Variants in GABRR2 observed in about 807,000 individuals in gnomAD.
The protein encoded by GABRR2 is gamma-aminobutyric acid type A receptor subunit rho2.
GABRR2 carries 36 observed loss-of-function variants against 47.0 expected under a neutral mutation model. That is an observed-to-expected ratio of 0.77 (90% CI 0.59 to 1.01). The LOEUF (loss-of-function observed/expected upper bound fraction) is 1.01. GABRR2 is among the 50% of genes least tolerant of loss of function. GABRR2 has a pLI of 0.00. For missense variants in GABRR2, 587 were observed against 594.6 expected (o/e 0.99, Z 0.13); for synonymous variants, 204 against 227.5 (o/e 0.90, Z 0.93).
intron 1 of GABRR2, among the ~76,000 whole-genome samples, chr6:89,312,085 G>C (rs549705492): frequency 6.6e-6 from 1 of 152,206 alleles, no homozygotes; most frequent in African/African-American, 2.4e-5. Flanking sequence ...GGGGCTCCAC[G>C]TTGAGACCTG....
intron 2 of GABRR2, among the ~76,000 whole-genome samples, chr6:89,284,499 A>C (rs1337644596): frequency 6.6e-6 from 1 of 152,186 alleles, no homozygotes; most frequent in Admixed American, 6.5e-5. Flanking sequence ...CAATGTAATC[A>C]CAAGAATCCT....
intron 1 of GABRR2, chr6:89,303,078 TGAG>T (rs1767485115): frequency 2.5e-6 from 2 of 806,638 alleles, no homozygotes; most frequent in Non-Finnish European, 3.9e-6. Flanking sequence ...TGTTCGCAGA[TGAG>T]GAGGAGGAAT....
chr6:89,312,525 G>A (rs1767697924), intron 1 of GABRR2, among the ~76,000 whole-genome samples: 1 of 152,204 alleles, frequency 6.6e-6, no homozygotes, highest in African/African-American at 2.4e-5. Flanking sequence ...GTATGTGTGT[G>A]AGTGTGACCG....
At chr6:89,286,525 A>T (rs1562374418) in intron 2 of GABRR2, among the ~76,000 whole-genome samples, 1 of 152,158 alleles carries the variant, frequency 6.6e-6, no homozygotes, top group South Asian at 2.1e-4. Flanking sequence ...TACCTTAAAT[A>T]TATACAATTT....
Position 89,257,504 on chromosome 6 carries a change from C to T in GABRR2, c.*166G>A. Reference sequence around the variant, plus strand: ...AGCCCCACGGGGTCTGGGGTCAGGGCAGCTGGAAGGCTCCTGGGCTTCTCT... The same window carrying T: ...AGCCCCACGGGGTCTGGGGTCAGGGTAGCTGGAAGGCTCCTGGGCTTCTCT... On this transcript the variant is annotated 3_prime_UTR_variant, in exon 9 of 9. Coordinates refer to ENST00000402938, the MANE Select transcript of GABRR2 (RefSeq NM_002043.5). 1 of 623,132 alleles carries T rather than the reference C, an allele frequency of 1.6e-6. No homozygotes were observed. The highest frequency in any genetic ancestry group is 3.0e-5 in the Admixed American group (1 of 33,824). The allele number at this position is 623,132 out of a possible 1,614,324, so 38.6% of individuals were successfully genotyped here. A position where few individuals can be genotyped will look rare whatever the true frequency, so the allele number is the denominator to read the frequency against.
rs1399116556 is a variant in GABRR2, at chr6:89,258,559, AT to A, written c.1087-579del. ...CTTCTCTAAAAAAAAAAAAAAAAAA[AT>A]GTTTTTTTTAATTAGCCAGGCATGG... On this transcript the variant is annotated intron_variant, in intron 8 of 8. Coordinates refer to ENST00000402938, the MANE Select transcript of GABRR2 (RefSeq NM_002043.5). Among the ~76,000 whole-genome samples, 668 of 107,304 alleles carry A rather than the reference AT, an allele frequency of 6.2e-3. 6 individuals carry two copies. The highest frequency in any genetic ancestry group is 0.022 in the African/African-American group (586 of 26,432). 70.4% of individuals were successfully genotyped at this position (107,304 alleles called of 152,430 possible).
chr6:89,304,710 A>G (rs996696135), intron 1 of GABRR2, among the ~76,000 whole-genome samples: 1 of 152,260 alleles, frequency 6.6e-6, no homozygotes, highest in African/African-American at 2.4e-5. Flanking sequence ...ACTGATCATT[A>G]GAGAAATGCA....
chr6:89,303,105 C>G, intron 1 of GABRR2: 4 of 649,802 alleles, frequency 6.2e-6, no homozygotes, highest in Non-Finnish European at 1.0e-5. Flanking sequence ...AGGCCCAGGG[C>G]CCCAAGTGAA....
chr6:89,290,911 G>A (rs1248977959), intron 2 of GABRR2, among the ~76,000 whole-genome samples: 5 of 152,140 alleles, frequency 3.3e-5, no homozygotes, highest in Admixed American at 2.6e-4. Flanking sequence ...GCCTGGCCTG[G>A]CAATGGCTCC....
intron 2 of GABRR2, among the ~76,000 whole-genome samples, chr6:89,283,057 A>G (rs905985430): frequency 3.9e-5 from 6 of 152,236 alleles, no homozygotes; most frequent in Non-Finnish European, 5.9e-5. Context: ...TGATAGGTAT[A>G]AAGTTCTTTC....
intron 2 of GABRR2, among the ~76,000 whole-genome samples, chr6:89,285,624 G>A (rs1208930546): frequency 6.6e-6 from 1 of 152,112 alleles, no homozygotes; most frequent in African/African-American, 2.4e-5. Flanking sequence ...GATGTGTTCA[G>A]GGGTCTGGGT....
chr6:89,271,789 A>G (rs1260849235), intron 2 of GABRR2, 67 bp from the exon 3 acceptor site: 2 of 1,421,272 alleles, frequency 1.4e-6, no homozygotes, highest in Non-Finnish European at 2.0e-6. Context: ...GAACAGCCCC[A>G]GTTGGCTTCC....
chr6:89,283,647 C>G (rs1032636811), intron 2 of GABRR2, among the ~76,000 whole-genome samples: 3 of 151,914 alleles, frequency 2.0e-5, no homozygotes, highest in African/African-American at 7.3e-5. Context: ...CATAAAATAG[C>G]TTTGGAAGGA....
At chr6:89,291,135 A>C (rs932760345) in intron 2 of GABRR2, among the ~76,000 whole-genome samples, 4 of 152,102 alleles carry the variant, frequency 2.6e-5, no homozygotes, top group African/African-American at 9.7e-5. Flanking sequence ...GAGGTGCCCT[A>C]GGTTCCTCTG....
Position 89,264,487 on chromosome 6 carries a change from G to C in GABRR2, c.1011C>G (p.Leu337=). 6.2e-7 allele frequency: 1 copy of C among 1,614,112 alleles called. No individual in the cohort carries two copies. Among genetic ancestry groups the C allele is most frequent in the Non-Finnish European group, 8.5e-7 (1 of 1,180,006 alleles). Residue 337 remains leucine (L), a synonymous_variant, in exon 8 of 9, where the codon CTC becomes CTG. Transcript: ENST00000402938. ...TGACAGCCGCATACTCCAGCACCGA[G>C]AGGAACACGAACACAAAGCTGACCC... ...YLWVSFVFVF[L]SVLEYAAVNY...
At chr6:89,268,925 G>A (rs1012224907) in intron 4 of GABRR2, 86 bp downstream of exon 4, 26 of 1,204,886 alleles carry the variant, frequency 2.2e-5, no homozygotes, top group African/African-American at 9.0e-5. Context: ...AGACCCAACC[G>A]CAGTGACAGT....
chr6:89,302,965 G>T, intron 1 of GABRR2: 1 of 1,289,484 alleles, frequency 7.8e-7, no homozygotes, highest in Non-Finnish European at 1.1e-6. Flanking sequence ...CATGGGCAAG[G>T]GCATGGACGA....
In GABRR2 at chr6:89,300,412, G is replaced by C. The variant is rs556750957; in HGVS notation, c.114-547C>G. Reference sequence around the variant, plus strand: ...GTAGTCCCAGCTACTCAGGAGGCTAGGGCACAAGAATCACTTGAACCAAGG... The same window carrying C: ...GTAGTCCCAGCTACTCAGGAGGCTACGGCACAAGAATCACTTGAACCAAGG... On this transcript the variant is annotated intron_variant, in intron 1 of 8. Coordinates refer to ENST00000402938, the MANE Select transcript of GABRR2 (RefSeq NM_002043.5). 2.0e-4 allele frequency among the ~76,000 whole-genome samples: 31 copies of C among 152,038 alleles called. 1 individual carries two copies. The South Asian group carries it at 5.8e-3, about 29-fold the overall frequency.
intron 2 of GABRR2, among the ~76,000 whole-genome samples, chr6:89,299,100 C>T (rs1005365567): frequency 2.0e-5 from 3 of 152,172 alleles, no homozygotes; most frequent in Non-Finnish European, 4.4e-5. Flanking sequence ...CACTGTCCAC[C>T]TTCTCCATAG....
Sources: allele counts gnomAD v4.1 joint callset (sites outside exome capture counted in the v4.1 genomes callset), GRCh38; gene constraint gnomAD v4.1.1; transcripts MANE v1.5; gene names NCBI Gene and HGNC (gene_info 2026-07-23, HGNC 2026-07-21).